CDH18: variants seen among roughly 807,000 people sequenced by gnomAD.
The protein encoded by CDH18 is cadherin-18.
In CDH18, 31 loss-of-function variants were observed where a neutral mutation model predicts 67.9. The ratio of observed to expected loss-of-function variants is 0.46; its 90% CI spans 0.34 to 0.62. CDH18 has a LOEUF of 0.62. Among genes scored for constraint, CDH18 ranks in the 20% least tolerant of loss-of-function variants. CDH18 has a pLI of 0.01. For missense variants in CDH18, 890 were observed against 975.5 expected (o/e 0.91, Z 1.17); for synonymous variants, 362 against 347.2 (o/e 1.04, Z -0.48).
At chr5:19,691,516 T>C (rs1190652672) in intron 5 of CDH18, among the ~76,000 whole-genome samples, 1 of 151,794 alleles carries the variant, frequency 6.6e-6, no homozygotes, top group Non-Finnish European at 1.5e-5. Context: ...AAGAAACACT[T>C]AGGCCAGATT....
intron 5 of CDH18, among the ~76,000 whole-genome samples, chr5:19,704,467 A>G (rs1763682376): frequency 6.6e-6 from 1 of 152,144 alleles, no homozygotes; most frequent in African/African-American, 2.4e-5. Context: ...TTCCAGAGCA[A>G]TTATACAGCC....
intron 2 of CDH18, among the ~76,000 whole-genome samples, chr5:19,907,794 T>A (rs945199471): frequency 6.6e-6 from 1 of 152,100 alleles, no homozygotes; most frequent in African/African-American, 2.4e-5. Context: ...CTGTAGTTAA[T>A]TTACTTAGTG....
chr5:20,021,547 C>G (rs1738424052), intron 2 of CDH18, among the ~76,000 whole-genome samples: 1 of 152,070 alleles, frequency 6.6e-6, no homozygotes, highest in Admixed American at 6.5e-5. Context: ...CCCATGAGAA[C>G]TGGTTGTTTA....
chr5:20,426,500 C>CA lies in CDH18; in HGVS notation c.-580+148961dup, dbSNP rs751363374. Among the ~76,000 whole-genome samples the CA allele has an allele frequency of 1.1e-4, 16 of 150,648 alleles. 1 individual carries two copies. Among genetic ancestry groups the CA allele is most frequent in the African/African-American group, 3.2e-4 (13 of 40,252 alleles). Reference sequence around the variant, plus strand: ...CTCAACAAAAACTTTTTAAAAGAAACAAAAAAAACTTTCTGGAGCTTTCCA... The same window carrying CA: ...CTCAACAAAAACTTTTTAAAAGAAACAAAAAAAAACTTTCTGGAGCTTTCCA... On this transcript the variant is annotated intron_variant, in intron 1 of 14. Coordinates refer to the CDH18 transcript ENST00000507958.
chr5:20,347,187 G>A lies in CDH18; in HGVS notation c.-579-91682C>T, dbSNP rs1381070227. 2.0e-5 allele frequency among the ~76,000 whole-genome samples: 3 copies of A among 152,012 alleles called. No homozygotes were observed. In the East Asian group the frequency reaches 5.8e-4, roughly 29 times the overall value. ...ATGATTGTCTTAGCTCTGCTTCTTG[G>A]ACTCTGCATATTAAACCTTCTTGTA... On this transcript the variant is annotated intron_variant, in intron 1 of 14. Transcript: ENST00000507958.
intron 1 of CDH18, among the ~76,000 whole-genome samples, chr5:20,569,728 A>C (rs1365727265): frequency 6.6e-6 from 1 of 152,196 alleles, no homozygotes; most frequent in Non-Finnish European, 1.5e-5. Context: ...CTGAACATTA[A>C]TGCTTATGGC....
At chr5:20,205,425 A>G (rs905291598) in intron 2 of CDH18, among the ~76,000 whole-genome samples, 1 of 151,972 alleles carries the variant, frequency 6.6e-6, no homozygotes, top group African/African-American at 2.4e-5. Flanking sequence ...CTGCAATATT[A>G]TAGTAGTAAG....
intron 9 of CDH18, among the ~76,000 whole-genome samples, chr5:19,540,019 T>G (rs1046915378): frequency 6.6e-6 from 1 of 152,150 alleles, no homozygotes; most frequent in Non-Finnish European, 1.5e-5. Context: ...GTCCAAAGTC[T>G]TATCTGAGAC....
At position 19,525,973 on chromosome 5, in the gene CDH18, T is replaced by C. The variant is rs1462113964; in HGVS notation, c.1391-5195A>G. 5.3e-5 allele frequency among the ~76,000 whole-genome samples: 8 copies of C among 152,128 alleles called. 1 individual carries two copies. Among genetic ancestry groups the C allele is most frequent in the Admixed American group, 5.2e-4 (8 of 15,274 alleles). On this transcript the variant is annotated intron_variant, in intron 9 of 12. Coordinates refer to ENST00000382275, the MANE Select transcript of CDH18 (RefSeq NM_004934.5). Reference sequence around the variant, plus strand: ...TCTAGAAAACAATTTTCATATTCTTTTGACAGCAGAGTAAATAAAATATAT... The same window carrying C: ...TCTAGAAAACAATTTTCATATTCTTCTGACAGCAGAGTAAATAAAATATAT...
intron 2 of CDH18, among the ~76,000 whole-genome samples, chr5:20,096,421 AT>A (rs1156614306): frequency 2.0e-5 from 3 of 152,122 alleles, no homozygotes; most frequent in African/African-American, 7.2e-5. Flanking sequence ...CCAAGGAAAA[AT>A]TGTATCAGCA....
At chr5:20,285,156 C>T (rs1468514046) in intron 1 of CDH18, among the ~76,000 whole-genome samples, 2 of 151,382 alleles carry the variant, frequency 1.3e-5, no homozygotes, top group African/African-American at 4.8e-5. Context: ...TTTACAGATT[C>T]CACCATAATT....
intron 8 of CDH18, among the ~76,000 whole-genome samples, chr5:19,569,671 C>T (rs191212001): frequency 7.8e-4 from 119 of 152,278 alleles, no homozygotes; most frequent in African/African-American, 2.8e-3. Flanking sequence ...TTGCTATAGT[C>T]ACCCTACTGA....
Position 19,994,850 on chromosome 5 carries a change from A to G in CDH18, c.-517-2836T>C, listed in dbSNP as rs1362597193. 5.4e-5 allele frequency among the ~76,000 whole-genome samples: 3 copies of G among 55,436 alleles called. 1 individual carries two copies. Among genetic ancestry groups the G allele is most frequent in the Non-Finnish European group, 1.0e-4 (3 of 29,148 alleles). 36.4% of individuals were successfully genotyped at this position (55,436 alleles called of 152,430 possible). A position where few individuals can be genotyped will look rare whatever the true frequency, so the allele number is the denominator to read the frequency against. ...AGAGAATATATATATATATATATAT[A>G]TATATAGAGAGAGAGAGAGAGAGAG... On this transcript the variant is annotated intron_variant, in intron 2 of 14. Transcript: ENST00000507958.
At chr5:19,547,235 C>T (rs1286825135) in intron 8 of CDH18, among the ~76,000 whole-genome samples, 2 of 152,166 alleles carry the variant, frequency 1.3e-5, no homozygotes, top group South Asian at 2.1e-4. Context: ...CATCCTTTAA[C>T]ATGTAGTCAG....
chr5:19,722,226 G>C (rs1385243345), intron 4 of CDH18, among the ~76,000 whole-genome samples: 1 of 151,830 alleles, frequency 6.6e-6, no homozygotes, highest in Non-Finnish European at 1.5e-5. Context: ...GATAATTTTT[G>C]TATTTTTAGT....
At chr5:20,475,265 CAA>C (rs1402637737) in intron 1 of CDH18, among the ~76,000 whole-genome samples, 2 of 151,534 alleles carry the variant, frequency 1.3e-5, no homozygotes, top group African/African-American at 4.9e-5. Flanking sequence ...ATTCATTGTA[CAA>C]TTCAAAAAGC....
intron 2 of CDH18, among the ~76,000 whole-genome samples, chr5:20,004,722 C>T (rs1022767652): frequency 6.6e-6 from 1 of 152,132 alleles, no homozygotes; most frequent in African/African-American, 2.4e-5. Flanking sequence ...AATGGCTGTA[C>T]TACAGAACAC....
intron 2 of CDH18, among the ~76,000 whole-genome samples, chr5:19,859,821 T>C (rs1001331724): frequency 2.0e-5 from 3 of 152,172 alleles, no homozygotes; most frequent in Admixed American, 2.0e-4. Context: ...CTTGGGCACA[T>C]GTTCTCAGGA....
chr5:20,196,839 T>G (rs904334713), intron 2 of CDH18, among the ~76,000 whole-genome samples: 1 of 152,190 alleles, frequency 6.6e-6, no homozygotes, highest in Admixed American at 6.5e-5. Flanking sequence ...AATTACAGCA[T>G]TATTGTAATT....
Sources: allele counts gnomAD v4.1 joint callset (sites outside exome capture counted in the v4.1 genomes callset), GRCh38; gene constraint gnomAD v4.1.1; transcripts MANE v1.5; gene names NCBI Gene and HGNC (gene_info 2026-07-23, HGNC 2026-07-21).